Variants in SYTL2 observed in about 807,000 individuals in gnomAD.
The protein encoded by SYTL2 is synaptotagmin like 2, also known as synaptotagmin-like protein 2.
In SYTL2, 165 loss-of-function variants were observed where a neutral mutation model predicts 198.7. The ratio of observed to expected loss-of-function variants is 0.83; its 90% CI spans 0.73 to 0.94. The LOEUF is 0.94. Ranked by LOEUF, SYTL2 falls within the 40% of genes least tolerant of loss-of-function variation. The pLI is 0.00. For missense variants in SYTL2, 2,835 were observed against 2,582.8 expected, an observed-to-expected ratio of 1.10 and a Z score of -2.12; for synonymous variants, 966 against 917.7, an observed-to-expected ratio of 1.05 and a Z score of -0.95.
At chr11:85,833,867 T>C in the SYTL2 span, among the ~76,000 whole-genome samples, 1 of 151,372 alleles carries the variant, frequency 6.6e-6, no homozygotes, top group Non-Finnish European at 1.5e-5. Flanking sequence ...GCTTCCTGAG[T>C]AGCTGGGATT....
Position 85,707,491 on chromosome 11 carries a change from C to T in SYTL2, c.5956G>A (p.Gly1986Ser). 6.2e-7 allele frequency: 1 copy of T among 1,613,850 alleles called. No individual in the cohort carries two copies. Among genetic ancestry groups the T allele is most frequent in the Non-Finnish European group, 8.5e-7 (1 of 1,179,906 alleles). ...TTCACTACGAGTGTTTTCTTCTTGC[C>T]CATTTTGCCTTTGTCTGGTAGCAAA... is the stretch of plus-strand genomic sequence containing the variant. ...AYLLPDKGKM[G>S]KKKTLVVKKT... is the part of the protein sequence containing the mutation. Residue 1986 changes from glycine to serine, a missense_variant, in exon 15 of 20, where the codon GGC becomes AGC. Around this residue, in one of 3 missense-constraint regions of SYTL2, gnomAD observed 2,645 missense variants for 2,381.7 expected, o/e 1.11. Coordinates refer to ENST00000359152, the MANE Select transcript of SYTL2 (RefSeq NM_206927.4).
intron 7 of SYTL2, among the ~76,000 whole-genome samples, chr11:85,732,266 C>T (rs1283352965): frequency 6.6e-6 from 1 of 152,174 alleles, no homozygotes; most frequent in Non-Finnish European, 1.5e-5. Context: ...TATTATAAAT[C>T]ATTCTACTAC....
chr11:85,854,109 T>C, the SYTL2 span: 1 of 152,142 alleles, frequency 6.6e-6, no homozygotes, highest in African/African-American at 2.4e-5. Flanking sequence ...ACTGCTGAGA[T>C]TACAGGCGTG....
At chr11:85,720,776 C>A in intron 9 of SYTL2, 82 bp downstream of exon 9, 1 of 959,192 alleles carries the variant, frequency 1.0e-6, no homozygotes, top group Non-Finnish European at 1.7e-6. Context: ...TGCACAACAG[C>A]ACGCAGTGAG....
In SYTL2 at chr11:85,727,067, G is replaced by A. The variant is rs1440342376; in HGVS notation, c.2291C>T (p.Pro764Leu). Reference sequence around the variant, plus strand: ...GAATTGGACCTCAGGCTTCTTCCAAGGAGAGCCATTGTTGGCAACCCCAGG... The same window carrying A: ...GAATTGGACCTCAGGCTTCTTCCAAAGAGAGCCATTGTTGGCAACCCCAGG... ...STPGVANNGS[P>L]WKKPEVQFQQ... is the part of the protein sequence containing the mutation. The change falls in exon 8 of 20, where the codon CCT (proline) becomes CTT (leucine). Residue 764 changes from proline to leucine, a missense_variant. Transcript: ENST00000359152. The A allele has an allele frequency of 1.6e-5, 24 of 1,536,152 alleles. 2 individuals carry two copies. Among genetic ancestry groups the A allele is most frequent in the Non-Finnish European group, 2.0e-5 (23 of 1,146,894 alleles).
chr11:85,774,019 C>G (rs535686012), intron 1 of SYTL2, among the ~76,000 whole-genome samples: 64 of 324 alleles, frequency 0.2, no homozygotes, highest in Middle Eastern at 0.38. Context: ...ATACACTAAA[C>G]TTTCTGAAAA....
At chr11:85,814,434 G>T (rs1284500334), upstream of SYTL2, among the ~76,000 whole-genome samples, 1 of 152,222 alleles carries the variant, frequency 6.6e-6, no homozygotes, top group African/African-American at 2.4e-5. Context: ...AACTAACTGG[G>T]ACAGGAGTAG....
intron 1 of SYTL2, among the ~76,000 whole-genome samples, chr11:85,767,422 TTTAA>T (rs1380421896): frequency 1.3e-5 from 2 of 152,168 alleles, no homozygotes; most frequent in African/African-American, 2.4e-5. Flanking sequence ...GAATATCAGA[TTTAA>T]TTATTTTCTA....
intron 8 of SYTL2, among the ~76,000 whole-genome samples, chr11:85,721,900 GA>G (rs1320755485): frequency 6.6e-6 from 1 of 151,952 alleles, no homozygotes; most frequent in Middle Eastern, 3.2e-3. Context: ...TTTGACTACT[GA>G]ACCTTTAATT....
chr11:85,813,817 G>A (rs1481788747), upstream of SYTL2, among the ~76,000 whole-genome samples: 3 of 151,158 alleles, frequency 2.0e-5, no homozygotes, highest in Admixed American at 2.0e-4. Context: ...CAACCTCCCA[G>A]GCTCAAGCCA....
intron 1 of SYTL2, among the ~76,000 whole-genome samples, chr11:85,802,613 C>T (rs1003429158): frequency 4.0e-5 from 6 of 151,560 alleles, no homozygotes; most frequent in African/African-American, 1.5e-4. Context: ...CTTCAATAGC[C>T]AAGAGGAAGG....
At chr11:85,833,703 G>A in the SYTL2 span, among the ~76,000 whole-genome samples, 1 of 148,956 alleles carries the variant, frequency 6.7e-6, no homozygotes, top group African/African-American at 2.5e-5. Flanking sequence ...AAACTTTCAG[G>A]AAAAGGACCT....
chr11:85,734,799 A>G lies in SYTL2; in HGVS notation c.587-57T>C, dbSNP rs1343603673. 5 of 1,276,126 alleles carry G rather than the reference A, an allele frequency of 3.9e-6. No individual in the cohort carries two copies. The African/African-American group carries it at 4.6e-5, about 12-fold the overall frequency. 79.1% of individuals were successfully genotyped at this position (1,276,126 alleles called of 1,614,324 possible). The stretch of plus-strand genomic sequence containing the variant: ...ATATAGAGAGTAATATATAATTTAA[A>G]ATACCTGTCATAAACTTAACCTACA... On this transcript the variant is annotated intron_variant, in intron 6 of 19. Transcript: ENST00000359152.
chr11:85,807,623 A>G (rs1344630027), intron 1 of SYTL2, among the ~76,000 whole-genome samples: 2 of 152,308 alleles, frequency 1.3e-5, no homozygotes, highest in East Asian at 3.9e-4. Flanking sequence ...ACCCTCCTGA[A>G]TTTTCTGCAA....
In SYTL2 at chr11:85,697,974, A is replaced by G. The variant is rs911502909; in HGVS notation, c.6368+5T>C. On this transcript the variant is annotated splice_donor_5th_base_variant and intron_variant, in intron 18 of 19. Coordinates refer to ENST00000359152, the MANE Select transcript of SYTL2 (RefSeq NM_206927.4). Reference sequence around the variant, plus strand: ...TGTTGCAGACAGAGTCATCAATACTATTACCATTTAACAAAAGAATTTAGA... The same window carrying G: ...TGTTGCAGACAGAGTCATCAATACTGTTACCATTTAACAAAAGAATTTAGA... 1 of 1,592,586 alleles carries G rather than the reference A, an allele frequency of 6.3e-7. No homozygotes were observed. Among genetic ancestry groups the G allele is most frequent in the Non-Finnish European group, 8.6e-7 (1 of 1,160,516 alleles).
At chr11:85,845,773 G>A in the SYTL2 span, among the ~76,000 whole-genome samples, 64 of 152,154 alleles carry the variant, frequency 4.2e-4, no homozygotes, top group East Asian at 0.01. Context: ...AAAATTAGCC[G>A]GGCATGGTGG....
intron 7 of SYTL2, 55 bp from the exon 8 acceptor site, chr11:85,728,022 T>C (rs774498622): frequency 4.2e-6 from 6 of 1,440,678 alleles, no homozygotes; most frequent in Non-Finnish European, 5.6e-6. Context: ...AAAGAACTGT[T>C]AATCATTCAC....
Position 85,696,307 on chromosome 11 carries a change from G to A in SYTL2, c.6450C>T (p.His2150=). The A allele has an allele frequency of 6.2e-7, 1 of 1,614,012 alleles. No homozygotes were observed. The highest frequency in any genetic ancestry group is 1.7e-5 in the Admixed American group (1 of 60,022). The stretch of plus-strand genomic sequence containing the variant: ...GCCTGAACCCATCATACACCATAGT[G>A]TGGTTGAAGATAGGGTTGGTGGTTT... ...VGKTTNPIFN[H]TMVYDGFRPE... The change falls in exon 19 of 20, where the codon CAC becomes CAT. Residue 2150 remains histidine (H), a synonymous_variant. Transcript: ENST00000359152.
chr11:85,715,783 T>C (rs1565896345), intron 11 of SYTL2, among the ~76,000 whole-genome samples: 1 of 152,186 alleles, frequency 6.6e-6, no homozygotes, highest in Non-Finnish European at 1.5e-5. Flanking sequence ...CTGGTAGCAG[T>C]GTAAGATTAG....
Sources: gnomAD v4.1 joint callset for allele counts (sites outside exome capture counted in the v4.1 genomes callset) on GRCh38, gnomAD v4.1.1 for gene constraint, gnomAD v4.1.1 regional missense constraint, MANE v1.5 for transcripts, NCBI Gene and HGNC (gene_info 2026-07-23, HGNC 2026-07-21) for gene names.